ARHGAP26: variants seen among roughly 807,000 people sequenced by gnomAD.
ARHGAP26 encodes the protein rho GTPase-activating protein 26.
A neutral mutation model predicts 104.8 loss-of-function variants in ARHGAP26; 38 were observed. That is an observed-to-expected ratio of 0.36 (90% CI 0.28 to 0.48). ARHGAP26 has a LOEUF of 0.48. Among genes scored for constraint, ARHGAP26 ranks in the 20% least tolerant of loss-of-function variants. The pLI is 0.99. For synonymous variants in ARHGAP26, 341 were observed against 340.0 expected (o/e 1.00, Z -0.03); for missense variants, 704 against 947.9 (o/e 0.74, Z 3.38).
intron 1 of ARHGAP26, among the ~76,000 whole-genome samples, chr5:142,842,101 T>C (rs1032003089): frequency 6.6e-6 from 1 of 152,192 alleles, no homozygotes; most frequent in Non-Finnish European, 1.5e-5. Context: ...TCAGATTATT[T>C]TGATTTGTGT....
intron 10 of ARHGAP26, among the ~76,000 whole-genome samples, chr5:142,918,143 T>A (rs1453901768): frequency 6.6e-6 from 1 of 151,818 alleles, no homozygotes; most frequent in African/African-American, 2.4e-5. Context: ...ATATTTTATT[T>A]TATTTTATTT....
chr5:142,891,832 T>G (rs2152425497), intron 5 of ARHGAP26, among the ~76,000 whole-genome samples: 1 of 152,110 alleles, frequency 6.6e-6, no homozygotes, highest in Non-Finnish European at 1.5e-5. Flanking sequence ...ATATATTCAC[T>G]TTAGTGTTTT....
chr5:143,185,986 A>C (rs1805077170), intron 20 of ARHGAP26, among the ~76,000 whole-genome samples: 1 of 152,214 alleles, frequency 6.6e-6, no homozygotes, highest in Admixed American at 6.5e-5. Flanking sequence ...GCTTCTCTGC[A>C]GAGATGAGGG....
chr5:142,971,153 G>T (rs1164745504), intron 11 of ARHGAP26, among the ~76,000 whole-genome samples: 1 of 151,986 alleles, frequency 6.6e-6, no homozygotes, highest in Non-Finnish European at 1.5e-5. Flanking sequence ...CTATGTATTT[G>T]GTACATATTC....
intron 1 of ARHGAP26, among the ~76,000 whole-genome samples, chr5:142,863,446 C>G: frequency 6.6e-6 from 1 of 152,302 alleles, no homozygotes; most frequent in Non-Finnish European, 1.5e-5. Context: ...TCACATAACT[C>G]TCCCTAGGTT....
chr5:142,964,544 AC>A (rs368428697), intron 11 of ARHGAP26, among the ~76,000 whole-genome samples: 56,657 of 136,402 alleles, frequency 0.42, 11,777 homozygotes, highest in East Asian at 0.79. Context: ...TCTGTTTAAA[AC>A]ACACACACAC....
At chr5:142,809,057 A>G (rs1431152989) in intron 1 of ARHGAP26, among the ~76,000 whole-genome samples, 2 of 152,262 alleles carry the variant, frequency 1.3e-5, no homozygotes, top group Non-Finnish European at 2.9e-5. Flanking sequence ...GACTTTTATC[A>G]GAAATTTACA....
At chr5:142,862,203 T>C (rs893037764) in intron 1 of ARHGAP26, among the ~76,000 whole-genome samples, 13 of 152,244 alleles carry the variant, frequency 8.5e-5, no homozygotes, top group Admixed American at 7.2e-4. Context: ...GGTTCTTGCT[T>C]GCCCAAATTT....
chr5:143,017,214 C>G (rs141445118), intron 12 of ARHGAP26, among the ~76,000 whole-genome samples: 1 of 152,310 alleles, frequency 6.6e-6, no homozygotes, highest in East Asian at 1.9e-4. Context: ...TCTGAAGGAG[C>G]AGTTAACAAA....
intron 19 of ARHGAP26, among the ~76,000 whole-genome samples, chr5:143,136,204 C>A (rs1356552895): frequency 6.6e-6 from 1 of 152,140 alleles, no homozygotes; most frequent in African/African-American, 2.4e-5. Flanking sequence ...AGATGGAGAT[C>A]AGGAGAAAAT....
chr5:142,928,382 G>A lies in ARHGAP26; in HGVS notation c.1029-3665G>A, dbSNP rs1262700605. On this transcript the variant is annotated intron_variant, in intron 10 of 22. Transcript: ENST00000645722. ...GTTTTGGATTAGCTCGTTGCCTAGA[G>A]TAGCGTTGTAAGCCCTCATATTTAT... Among the ~76,000 whole-genome samples, 21 of 152,282 alleles carry A rather than the reference G, an allele frequency of 1.4e-4. 1 individual carries two copies. In the South Asian group the frequency reaches 4.4e-3, roughly 32 times the overall value.
chr5:142,890,284 A>G (rs576082256), intron 5 of ARHGAP26, among the ~76,000 whole-genome samples: 4 of 148,612 alleles, frequency 2.7e-5, no homozygotes, highest in Admixed American at 6.7e-5. Flanking sequence ...TGAAGTTAAA[A>G]TGTGTGTTTA....
At chr5:143,061,778 G>A (rs1285981443) in intron 17 of ARHGAP26, among the ~76,000 whole-genome samples, 1 of 152,312 alleles carries the variant, frequency 6.6e-6, no homozygotes, top group Admixed American at 6.5e-5. Context: ...CCAGCGTCTT[G>A]TGTTGGCTAG....
At chr5:143,122,133 A>T (rs1796215273) in intron 18 of ARHGAP26, among the ~76,000 whole-genome samples, 1 of 152,110 alleles carries the variant, frequency 6.6e-6, no homozygotes, top group African/African-American at 2.4e-5. Flanking sequence ...GATTTTTTTT[A>T]ATGTTAAGCC....
At chr5:142,787,096 C>T (rs976437744) in intron 1 of ARHGAP26, among the ~76,000 whole-genome samples, 1 of 152,178 alleles carries the variant, frequency 6.6e-6, no homozygotes, top group Non-Finnish European at 1.5e-5. Flanking sequence ...TCCTGTGTTA[C>T]ATTTCAGAGT....
chr5:142,925,389 A>C (rs867410657), intron 10 of ARHGAP26, among the ~76,000 whole-genome samples: 1 of 152,184 alleles, frequency 6.6e-6, no homozygotes, highest in Non-Finnish European at 1.5e-5. Flanking sequence ...TGGATTAAAG[A>C]ATTTCTTATC....
chr5:143,181,941 C>G (rs1425626091), intron 20 of ARHGAP26, among the ~76,000 whole-genome samples: 9 of 152,144 alleles, frequency 5.9e-5, no homozygotes, highest in Admixed American at 5.9e-4. Context: ...CTTAACTAAC[C>G]TCTCCGACTT....
At chr5:142,946,278 G>A (rs26699) in intron 11 of ARHGAP26, among the ~76,000 whole-genome samples, 74,091 of 151,968 alleles carry the variant, frequency 0.49, 22,395 homozygotes, top group East Asian at 0.91. Context: ...TTTGTTATCT[G>A]TATTGTAGTT....
intron 17 of ARHGAP26, among the ~76,000 whole-genome samples, chr5:143,080,261 A>G (rs1458414016): frequency 2.6e-5 from 4 of 152,222 alleles, no homozygotes; most frequent in African/African-American, 4.8e-5. Flanking sequence ...AATTGAGGCA[A>G]GATGCAGATA....
Sources: gnomAD v4.1 joint callset for allele counts (sites outside exome capture counted in the v4.1 genomes callset) on GRCh38, gnomAD v4.1.1 for gene constraint, MANE v1.5 for transcripts, NCBI Gene and HGNC (gene_info 2026-07-23, HGNC 2026-07-21) for gene names.